The following NCOA6 variants were observed in gnomAD, a reference collection of about 807,000 sequenced individuals.
The protein encoded by NCOA6 is nuclear receptor coactivator 6.
NCOA6 carries 49 observed loss-of-function variants against 171.4 expected under a neutral mutation model. The ratio of observed to expected loss-of-function variants is 0.29; its 90% CI spans 0.23 to 0.36. The LOEUF is 0.36. NCOA6 is among the 10% of genes least tolerant of loss of function. The probability of loss-of-function intolerance (pLI) is 1.00; values close to 1 mark genes in which losing one functional copy is unlikely to be tolerated. For synonymous variants in NCOA6, 910 were observed against 927.5 expected (o/e 0.98, Z 0.34); for missense variants, 2,248 against 2,554.5 (o/e 0.88, Z 2.59).
chr20:34,748,525 A>G (rs1039512798), intron 9 of NCOA6, among the ~76,000 whole-genome samples: 1 of 152,154 alleles, frequency 6.6e-6, no homozygotes, highest in African/African-American at 2.4e-5. Context: ...TTCATTAGCC[A>G]TTATTTCCTC....
chr20:34,756,803 T>G (rs982686671), intron 7 of NCOA6, among the ~76,000 whole-genome samples: 2 of 152,240 alleles, frequency 1.3e-5, no homozygotes, highest in Non-Finnish European at 2.9e-5. Context: ...TTATCAAAAT[T>G]GATAACTAAA....
chr20:34,806,962 G>A lies in NCOA6; in HGVS notation c.-163-14399C>T, dbSNP rs534091091. On this transcript the variant is annotated intron_variant, in intron 1 of 14. Transcript: ENST00000359003. ...TCTGTGGTAGACAGACTTGTAAAAT[G>A]GCCACCAATTACTCCAGCCTCCTGG... 4.5e-4 allele frequency among the ~76,000 whole-genome samples: 68 copies of A among 152,216 alleles called. 1 individual carries two copies. Among genetic ancestry groups the A allele is most frequent in the African/African-American group, 1.6e-3 (68 of 41,526 alleles).
Position 34,757,547 on chromosome 20 carries a change from C to T in NCOA6, c.1201G>A (p.Ala401Thr). The change falls in exon 7 of 15, where the codon GCT becomes ACT. Residue 401 changes from alanine (A) to threonine (T), a missense_variant. By Grantham distance (58) the Ala-to-Thr change is moderately conservative. Coordinates refer to ENST00000359003, the MANE Select transcript of NCOA6 (RefSeq NM_014071.5). ...PQMSNPGQFT[A>T]PQMKSLQGGP... ...CCCTGCAAACTCTTCATCTGAGGAG[C>T]TGTGAACTGGCCTGGGTTGCTCATC... 1 of 1,613,922 alleles carries T rather than the reference C, an allele frequency of 6.2e-7. No individual in the cohort carries two copies. The highest frequency in any genetic ancestry group is 8.5e-7 in the Non-Finnish European group (1 of 1,179,956).
intron 4 of NCOA6, among the ~76,000 whole-genome samples, chr20:34,769,271 C>G (rs1385237839): frequency 6.6e-6 from 1 of 152,158 alleles, no homozygotes; most frequent in African/African-American, 2.4e-5. Flanking sequence ...TAGCTCACCA[C>G]TACCTTAAAT....
intron 13 of NCOA6, among the ~76,000 whole-genome samples, chr20:34,730,357 G>A (rs1311086230): frequency 1.3e-5 from 2 of 151,938 alleles, no homozygotes; most frequent in Non-Finnish European, 2.9e-5. Flanking sequence ...AAAATGCTGG[G>A]GTTACAGGCA....
chr20:34,740,221 G>A (rs956315771), intron 11 of NCOA6, 142 bp downstream of exon 11: 47 of 1,165,132 alleles, frequency 4.0e-5, no homozygotes, highest in Middle Eastern at 5.1e-4. Context: ...ATTTTCCAAC[G>A]TACTTTCAAT....
In NCOA6 at chr20:34,741,492, A is replaced by C; in HGVS notation, c.4764T>G (p.Ile1588Met). ...TTTGATTTGGGGGCAAGGGAGTGGA[A>C]ATGGAGGAAGAGCTAACAGGTCTTG... is the stretch of plus-strand genomic sequence containing the variant. Reference protein sequence around the residue: ...VMSRPVSSSSISTPLPPNQIT... With the variant: ...VMSRPVSSSSMSTPLPPNQIT... The change falls in exon 11 of 15, where the codon ATT becomes ATG. Residue 1588 changes from isoleucine (I) to methionine (M), a missense_variant. By Grantham distance (10) the Ile-to-Met change is conservative. Coordinates refer to ENST00000359003, the MANE Select transcript of NCOA6 (RefSeq NM_014071.5). The C allele has an allele frequency of 6.2e-7, 1 of 1,614,188 alleles. No individual in the cohort carries two copies. The highest frequency in any genetic ancestry group is 8.5e-7 in the Non-Finnish European group (1 of 1,180,042).
intron 5 of NCOA6, among the ~76,000 whole-genome samples, chr20:34,762,977 C>G (rs1319272601): frequency 3.3e-5 from 5 of 152,140 alleles, no homozygotes; most frequent in African/African-American, 1.2e-4. Flanking sequence ...GTTGAGAAAT[C>G]AAGAAAAGCT....
intron 1 of NCOA6, among the ~76,000 whole-genome samples, chr20:34,822,726 A>C (rs2079044615): frequency 6.6e-6 from 1 of 152,220 alleles, no homozygotes; most frequent in Non-Finnish European, 1.5e-5. Flanking sequence ...GCTGAATGGA[A>C]GACATGCCTG....
At chr20:34,762,241 A>C (rs910796502) in intron 5 of NCOA6, among the ~76,000 whole-genome samples, 2 of 152,110 alleles carry the variant, frequency 1.3e-5, no homozygotes, top group African/African-American at 4.8e-5. Flanking sequence ...TTATCTGGTA[A>C]AAATATTATT....
At chr20:34,818,774 T>C (rs2078918811) in intron 1 of NCOA6, among the ~76,000 whole-genome samples, 1 of 152,242 alleles carries the variant, frequency 6.6e-6, no homozygotes, top group African/African-American at 2.4e-5. Flanking sequence ...TCTTGGTATC[T>C]TGCAGAGTTC....
intron 1 of NCOA6, among the ~76,000 whole-genome samples, chr20:34,800,804 T>C (rs1399644560): frequency 6.6e-6 from 1 of 152,118 alleles, no homozygotes; most frequent in Non-Finnish European, 1.5e-5. Context: ...GGACAGATGA[T>C]CTAGACAGAA....
At chr20:34,787,501 G>A (rs929298810) in intron 2 of NCOA6, among the ~76,000 whole-genome samples, 1 of 151,556 alleles carries the variant, frequency 6.6e-6, no homozygotes, top group Admixed American at 6.6e-5. Context: ...ACTCCAGCCT[G>A]GGTAAGAGAG....
intron 3 of NCOA6, 104 bp from the exon 4 acceptor site, chr20:34,776,552 A>G: frequency 7.9e-7 from 1 of 1,262,438 alleles, no homozygotes; most frequent in African/African-American, 1.5e-5. Flanking sequence ...GTGGAGCACC[A>G]GCTTGGAATA....
chr20:34,763,788 C>A (rs1005132546), intron 5 of NCOA6, among the ~76,000 whole-genome samples: 2 of 152,204 alleles, frequency 1.3e-5, no homozygotes, highest in African/African-American at 4.8e-5. Context: ...CCAGCGAACA[C>A]AGACAAATTT....
chr20:34,761,717 G>A (rs993722251), intron 5 of NCOA6, among the ~76,000 whole-genome samples: 6 of 151,782 alleles, frequency 4.0e-5, no homozygotes, highest in African/African-American at 1.2e-4. Flanking sequence ...GTGCAGTGGC[G>A]CAATCTTGAC....
intron 3 of NCOA6, among the ~76,000 whole-genome samples, chr20:34,778,329 G>A (rs756290651): frequency 3.3e-5 from 5 of 152,168 alleles, no homozygotes; most frequent in Non-Finnish European, 5.9e-5. Context: ...CAAGGAAGTA[G>A]AGTAGTCCAA....
At position 34,740,485 on chromosome 20, in the gene NCOA6, G is replaced by A. The variant is rs376574983; in HGVS notation, c.5771C>T (p.Ser1924Phe). 1 of 1,614,198 alleles carries A rather than the reference G, an allele frequency of 6.2e-7. No individual in the cohort carries two copies. The highest frequency in any genetic ancestry group is 2.2e-5 in the East Asian group (1 of 44,882). The change falls in exon 11 of 15, where the codon TCC becomes TTC. Residue 1924 changes from serine to phenylalanine, a missense_variant. By Grantham distance (155) the Ser-to-Phe change is radical. Around this residue, in one of 7 missense-constraint regions of NCOA6, gnomAD observed 884 missense variants for 941.9 expected, o/e 0.94. Coordinates refer to ENST00000359003, the MANE Select transcript of NCOA6 (RefSeq NM_014071.5). ...GGTCGGTACGGCGGAGATGAGCTCG[G>A]AGGGTACCAGAGTGGTTACTATCGA... The part of the protein sequence containing the change: ...VRSIVTTLVP[S>F]ELISAVPTTK...
intron 1 of NCOA6, among the ~76,000 whole-genome samples, chr20:34,809,914 G>A (rs1243805306): frequency 6.6e-6 from 1 of 152,194 alleles, no homozygotes; most frequent in Non-Finnish European, 1.5e-5. Context: ...GTTGCAGTGA[G>A]TGGAGATTGC....
Sources: allele counts gnomAD v4.1 joint callset (sites outside exome capture counted in the v4.1 genomes callset), GRCh38; gene constraint gnomAD v4.1.1; regional missense constraint gnomAD v4.1.1; transcripts MANE v1.5; gene names NCBI Gene and HGNC (gene_info 2026-07-23, HGNC 2026-07-21).